The following TAPT1 variants were observed in gnomAD, a reference collection of about 807,000 sequenced individuals.
TAPT1 encodes transmembrane anterior posterior transformation protein 1 homolog.
In TAPT1, 28 loss-of-function variants were observed where a neutral mutation model predicts 65.6. That is an observed-to-expected ratio of 0.43 (90% CI 0.32 to 0.59). The LOEUF is 0.59. Ranked by LOEUF, TAPT1 falls within the 20% of genes least tolerant of loss-of-function variation. TAPT1 has a pLI of 0.09. For synonymous variants in TAPT1, 278 were observed against 245.2 expected, an observed-to-expected ratio of 1.13 and a Z score of -1.25; for missense variants, 563 against 679.9, an observed-to-expected ratio of 0.83 and a Z score of 1.91.
chr4:16,192,252 G>A (rs926183078), intron 3 of TAPT1, among the ~76,000 whole-genome samples: 1 of 152,196 alleles, frequency 6.6e-6, no homozygotes, highest in Non-Finnish European at 1.5e-5. Context: ...CTGTAGCCCA[G>A]GGCACTGATA....
At chr4:16,175,890 T>C (rs778251717) in intron 9 of TAPT1, among the ~76,000 whole-genome samples, 3 of 152,220 alleles carry the variant, frequency 2.0e-5, no homozygotes, top group Non-Finnish European at 4.4e-5. Flanking sequence ...TTTGAGTTAG[T>C]GACACTGTGA....
intron 4 of TAPT1, chr4:16,191,051 C>A (rs555180417): frequency 5.7e-5 from 14 of 245,964 alleles, no homozygotes; most frequent in African/African-American, 2.6e-4. Context: ...TCTAAAATGT[C>A]TGGGCAGCAA....
At position 16,188,388 on chromosome 4, in the gene TAPT1, T is replaced by C. The variant is rs1749148965; in HGVS notation, c.613-33A>G. ...AAAAAATTATTTGTAAGATGTTTCT[T>C]AATATTCCATTTAAATATATAACTA... On this transcript the variant is annotated intron_variant, in intron 4 of 13. Transcript: ENST00000405303. 9.5e-6 allele frequency: 14 copies of C among 1,469,984 alleles called. No homozygotes were observed. In the East Asian group the frequency reaches 2.5e-4, roughly 26 times the overall value. 91.1% of individuals were successfully genotyped at this position (1,469,984 alleles called of 1,614,324 possible).
chr4:16,184,203 T>G (rs1320537856), intron 7 of TAPT1, among the ~76,000 whole-genome samples: 1 of 152,048 alleles, frequency 6.6e-6, no homozygotes, highest in Non-Finnish European at 1.5e-5. Flanking sequence ...ACAAACAACC[T>G]CTTATTCCTA....
intron 2 of TAPT1, among the ~76,000 whole-genome samples, chr4:16,204,534 T>TA (rs777845116): frequency 4.5e-4 from 68 of 152,364 alleles, no homozygotes; most frequent in Non-Finnish European, 7.1e-4. Context: ...TTCTTTAAAA[T>TA]AAAAAGAGTT....
intron 7 of TAPT1, among the ~76,000 whole-genome samples, chr4:16,184,200 A>C (rs1748871404): frequency 6.6e-6 from 1 of 151,976 alleles, no homozygotes; most frequent in African/African-American, 2.4e-5. Context: ...CCAACAAACA[A>C]CCTCTTATTC....
At chr4:16,204,680 G>A (rs1750241264) in intron 2 of TAPT1, among the ~76,000 whole-genome samples, 1 of 152,212 alleles carries the variant, frequency 6.6e-6, no homozygotes, top group African/African-American at 2.4e-5. Flanking sequence ...CTGGGCTTGG[G>A]CCCTGCCTGT....
chr4:16,186,636 G>A (rs1170532645), intron 6 of TAPT1, 32 bp from the exon 7 acceptor site: 4 of 1,454,048 alleles, frequency 2.8e-6, no homozygotes, highest in South Asian at 2.5e-5. Context: ...CCATCTTTAT[G>A]ATTATAACAG....
rs1267313257 is a variant in TAPT1, at chr4:16,174,736, A to C, written c.1108-7T>G. On this transcript the variant is annotated splice_polypyrimidine_tract_variant and splice_region_variant and intron_variant, in intron 9 of 13. Coordinates refer to ENST00000405303, the MANE Select transcript of TAPT1 (RefSeq NM_153365.3). ...CTCTATATTCACTGTAGACCTAAAA[A>C]CAAACAAGAATGAAATATCAAGTAA... 4 of 1,557,340 alleles carry C rather than the reference A, an allele frequency of 2.6e-6. No individual in the cohort carries two copies. Among genetic ancestry groups the C allele is most frequent in the Admixed American group, 1.9e-5 (1 of 51,346 alleles).
chr4:16,187,990 T>C (rs1374150908), intron 5 of TAPT1, among the ~76,000 whole-genome samples: 1 of 152,208 alleles, frequency 6.6e-6, no homozygotes, highest in African/African-American at 2.4e-5. Context: ...TCAGTTACAC[T>C]GCAAACAGAA....
chr4:16,179,968 A>G (rs28418449), intron 7 of TAPT1, among the ~76,000 whole-genome samples: 3,810 of 152,232 alleles, frequency 0.025, 150 homozygotes, highest in African/African-American at 0.086. Context: ...GGTTCCTCCA[A>G]TGGGCTTTGG....
At chr4:16,188,464 G>C in intron 4 of TAPT1, 109 bp from the exon 5 acceptor site, 2 of 842,594 alleles carry the variant, frequency 2.4e-6, no homozygotes, top group East Asian at 5.7e-5. Context: ...AATCCTAGTA[G>C]AAGGCAAGCT....
intron 3 of TAPT1, among the ~76,000 whole-genome samples, chr4:16,200,432 C>T (rs150893106): frequency 6.6e-6 from 1 of 152,168 alleles, no homozygotes; most frequent in African/African-American, 2.4e-5. Flanking sequence ...AAGTGATTTT[C>T]CAACCTCTCA....
At chr4:16,223,183 C>T (rs904119984) in intron 1 of TAPT1, among the ~76,000 whole-genome samples, 1 of 152,158 alleles carries the variant, frequency 6.6e-6, no homozygotes, top group Non-Finnish European at 1.5e-5. Flanking sequence ...TTCAACAACC[C>T]AACCAAGCCA....
intron 3 of TAPT1, among the ~76,000 whole-genome samples, chr4:16,192,153 A>G (rs1449808849): frequency 6.6e-6 from 1 of 152,212 alleles, no homozygotes; most frequent in Non-Finnish European, 1.5e-5. Flanking sequence ...TTCCAAGGTT[A>G]TATTCACTTG....
At chr4:16,227,182 G>A (rs1174249531), upstream of TAPT1, 5 of 455,798 alleles carry the variant, frequency 1.1e-5, no homozygotes, top group Non-Finnish European at 2.2e-5. Context: ...CAACAGGTGG[G>A]GACGCGCAGG....
At chr4:16,214,214 G>A (rs1178505096) in intron 1 of TAPT1, among the ~76,000 whole-genome samples, 1 of 152,152 alleles carries the variant, frequency 6.6e-6, no homozygotes, top group Non-Finnish European at 1.5e-5. Flanking sequence ...TGACAGACAT[G>A]GAAGGAAAAT....
chr4:16,165,513 T>A (rs1479359136), intron 13 of TAPT1, among the ~76,000 whole-genome samples: 1 of 146,008 alleles, frequency 6.8e-6, no homozygotes, highest in African/African-American at 2.6e-5. Flanking sequence ...AAGCTTGCAG[T>A]GAGCCGAGAT....
chr4:16,219,506 G>A (rs570975281), intron 1 of TAPT1, among the ~76,000 whole-genome samples: 40 of 152,290 alleles, frequency 2.6e-4, no homozygotes, highest in African/African-American at 7.9e-4. Flanking sequence ...TACAATTAGC[G>A]CGATGCTAAT....
Sources: allele counts gnomAD v4.1 joint callset (sites outside exome capture counted in the v4.1 genomes callset), GRCh38; gene constraint gnomAD v4.1.1; transcripts MANE v1.5; gene names NCBI Gene and HGNC (gene_info 2026-07-23, HGNC 2026-07-21).